The following CCDC91 variants were observed in gnomAD, a reference collection of about 807,000 sequenced individuals.
CCDC91 encodes coiled-coil domain containing 91, also known as coiled-coil domain-containing protein 91.
In CCDC91, 48 loss-of-function variants were observed where a neutral mutation model predicts 63.2. The observed-to-expected ratio is 0.76, with a 90% CI of 0.60 to 0.97. The LOEUF is 0.97. Ranked by LOEUF, CCDC91 falls within the 50% of genes least tolerant of loss-of-function variation. The pLI is 0.00. For synonymous variants in CCDC91, 167 were observed against 165.8 expected (o/e 1.01, Z -0.06); for missense variants, 500 against 494.6 (o/e 1.01, Z -0.10).
At position 28,249,270 on chromosome 12, in the gene CCDC91, G is replaced by A. The variant is rs1450373991; in HGVS notation, c.-14-7932G>A. ...TTTATGTGATTTTGTTCTGATAGTT[G>A]TCAGCAGAAGACAGGTAATTGGATA... On this transcript the variant is annotated intron_variant, in intron 1 of 12. Coordinates refer to ENST00000536442, the MANE Select transcript of CCDC91 (RefSeq NM_018318.5). 1.3e-5 allele frequency among the ~76,000 whole-genome samples: 2 copies of A among 152,192 alleles called. 1 individual carries two copies. The highest frequency in any genetic ancestry group is 6.3e-3 in the Middle Eastern group (2 of 316).
At chr12:28,470,614 A>G (rs1950768284) in intron 11 of CCDC91, among the ~76,000 whole-genome samples, 1 of 152,186 alleles carries the variant, frequency 6.6e-6, no homozygotes, top group Non-Finnish European at 1.5e-5. Context: ...AAATTAGTGT[A>G]TCAGTGAAAT....
At chr12:28,490,481 T>A (rs1318473876) in intron 12 of CCDC91, among the ~76,000 whole-genome samples, 1 of 151,840 alleles carries the variant, frequency 6.6e-6, no homozygotes, top group African/African-American at 2.4e-5. Flanking sequence ...ATTATATCCA[T>A]TTCAGGTGGC....
At chr12:28,335,674 T>C (rs1330043375) in intron 6 of CCDC91, among the ~76,000 whole-genome samples, 1 of 151,914 alleles carries the variant, frequency 6.6e-6, no homozygotes, top group Non-Finnish European at 1.5e-5. Flanking sequence ...CTCAAAGTAC[T>C]GGATTACAGG....
intron 1 of CCDC91, among the ~76,000 whole-genome samples, chr12:28,235,594 T>TAA (rs11424459): frequency 0.011 from 1,536 of 143,784 alleles, 27 homozygotes; most frequent in African/African-American, 0.03. Context: ...CGCATAGCAT[T>TAA]AAAAAAAAAA....
intron 12 of CCDC91, among the ~76,000 whole-genome samples, chr12:28,527,373 T>G (rs1941351967): frequency 6.6e-6 from 1 of 152,210 alleles, no homozygotes. Flanking sequence ...GTTATCTCTC[T>G]TCTGGATATA....
intron 3 of CCDC91, among the ~76,000 whole-genome samples, chr12:28,271,034 A>C (rs1433142626): frequency 1.3e-5 from 2 of 152,136 alleles, no homozygotes; most frequent in Non-Finnish European, 2.9e-5. Flanking sequence ...TTTTAAGGGG[A>C]GATATGGAGT....
chr12:28,197,982 A>T (rs1314503888), intron 1 of CCDC91, among the ~76,000 whole-genome samples: 2 of 152,184 alleles, frequency 1.3e-5, no homozygotes, highest in Non-Finnish European at 2.9e-5. Flanking sequence ...ATAAAAAATA[A>T]TGTTAATTAC....
chr12:28,459,491 T>C (rs557812440), intron 11 of CCDC91, among the ~76,000 whole-genome samples: 4 of 152,248 alleles, frequency 2.6e-5, no homozygotes, highest in African/African-American at 4.8e-5. Flanking sequence ...TAGCTTTTAA[T>C]TGGAACATTT....
intron 11 of CCDC91, among the ~76,000 whole-genome samples, chr12:28,454,855 C>T (rs940153061): frequency 2.6e-5 from 4 of 151,868 alleles, no homozygotes; most frequent in South Asian, 2.1e-4. Flanking sequence ...TCAGTATAGC[C>T]GGTTTCATGC....
In CCDC91 at chr12:28,458,454, CCTTTT is replaced by C. The variant is rs1387382253; in HGVS notation, c.1101+5801_1101+5805del. On this transcript the variant is annotated intron_variant, in intron 11 of 12. Coordinates refer to ENST00000536442, the MANE Select transcript of CCDC91 (RefSeq NM_018318.5). ...TTTCCCTTTTGTCCTCATTTGCACA[CCTTTT>C]TTTTTTTTTTTTTTTTTTTTTTTTT... 3.3e-3 allele frequency among the ~76,000 whole-genome samples: 233 copies of C among 71,504 alleles called. 4 individuals are homozygous for C. The highest frequency in any genetic ancestry group is 0.018 in the African/African-American group (222 of 12,354). 46.9% of individuals were successfully genotyped at this position (71,504 alleles called of 152,430 possible).
chr12:28,261,662 T>C (rs1421741178), intron 3 of CCDC91, among the ~76,000 whole-genome samples: 4 of 152,012 alleles, frequency 2.6e-5, no homozygotes, highest in Non-Finnish European at 5.9e-5. Flanking sequence ...TCTTTTCTTA[T>C]AATAAAACTG....
At chr12:28,395,620 AAGG>A (rs1376411278) in intron 8 of CCDC91, among the ~76,000 whole-genome samples, 2 of 152,168 alleles carry the variant, frequency 1.3e-5, no homozygotes, top group Non-Finnish European at 2.9e-5. Flanking sequence ...ATGGGGAAGG[AAGG>A]AGCCTGGTAC....
chr12:28,312,276 A>G (rs1939405584), intron 6 of CCDC91, among the ~76,000 whole-genome samples: 1 of 151,946 alleles, frequency 6.6e-6, no homozygotes, highest in African/African-American at 2.4e-5. Flanking sequence ...ATAAAAATAT[A>G]TGGATAATTC....
intron 8 of CCDC91, among the ~76,000 whole-genome samples, chr12:28,430,550 A>G (rs896221742): frequency 6.6e-6 from 1 of 152,160 alleles, no homozygotes; most frequent in African/African-American, 2.4e-5. Context: ...CTAAGAAATT[A>G]TGTATAGATT....
chr12:28,459,942 AT>A (rs900668866), intron 11 of CCDC91, among the ~76,000 whole-genome samples: 3 of 152,114 alleles, frequency 2.0e-5, no homozygotes, highest in African/African-American at 7.2e-5. Context: ...GTGATAGTTT[AT>A]TTTTTAGCGA....
chr12:28,334,171 G>A (rs1268781323), intron 6 of CCDC91, among the ~76,000 whole-genome samples: 2 of 151,906 alleles, frequency 1.3e-5, no homozygotes, highest in African/African-American at 4.8e-5. Context: ...AATGTGAGGC[G>A]CTATATGTGG....
chr12:28,370,442 C>T (rs190726153), intron 7 of CCDC91, among the ~76,000 whole-genome samples: 58 of 152,332 alleles, frequency 3.8e-4, no homozygotes, highest in Admixed American at 3.1e-3. Context: ...CTGAGACCAC[C>T]TCAGCGTGGG....
rs561856365 is a variant in CCDC91 at position 28,485,299 on chromosome 12, C to T, written c.1215+1134C>T. Among the ~76,000 whole-genome samples the T allele has an allele frequency of 1.2e-3, 186 of 152,082 alleles. 1 individual carries two copies. Among genetic ancestry groups the T allele is most frequent in the African/African-American group, 4.2e-3 (173 of 41,500 alleles). On this transcript the variant is annotated intron_variant, in intron 12 of 12. Transcript: ENST00000536442. ...CCAGCCTCCTGAGTAGCTGAAATTA[C>T]AGGCGCCTGCCACCATGCCCAGCTA...
At chr12:28,483,676 G>C (rs546909403) in intron 11 of CCDC91, among the ~76,000 whole-genome samples, 2 of 152,206 alleles carry the variant, frequency 1.3e-5, no homozygotes, top group South Asian at 4.1e-4. Context: ...GAATAAAACA[G>C]GTAGAGCATT....
Sources: allele counts gnomAD v4.1 joint callset (sites outside exome capture counted in the v4.1 genomes callset), GRCh38; gene constraint gnomAD v4.1.1; transcripts MANE v1.5; gene names NCBI Gene and HGNC (gene_info 2026-07-23, HGNC 2026-07-21).